The following KCNU1 variants were observed in gnomAD, a reference collection of about 807,000 sequenced individuals.
The protein encoded by KCNU1 is potassium calcium-activated channel subfamily U member 1, also known as potassium channel subfamily U member 1.
A neutral mutation model predicts 126.8 loss-of-function variants in KCNU1; 93 were observed. That is an observed-to-expected ratio of 0.73 (90% CI 0.62 to 0.87). KCNU1 has a LOEUF of 0.87. Among genes scored for constraint, KCNU1 ranks in the 40% least tolerant of loss-of-function variants. The pLI, the probability that KCNU1 is intolerant of heterozygous loss-of-function variation, is 0.00. For synonymous variants in KCNU1, 523 were observed against 494.2 expected, an observed-to-expected ratio of 1.06 and a Z score of -0.77; for missense variants, 1,330 against 1,367.1, an observed-to-expected ratio of 0.97 and a Z score of 0.43.
intron 18 of KCNU1, among the ~76,000 whole-genome samples, chr8:36,849,169 T>C (rs1805254616): frequency 6.6e-6 from 1 of 152,116 alleles, no homozygotes; most frequent in Non-Finnish European, 1.5e-5. Context: ...TCTGTCACTG[T>C]AGATTTACCT....
Position 36,834,859 on chromosome 8 carries a change from A to G in KCNU1, c.1286A>G (p.Asn429Ser), listed in dbSNP as rs776167026. Residue 429 changes from asparagine (N) to serine (S), a missense_variant, in exon 12 of 27, where the codon AAC becomes AGC. Transcript: ENST00000399881. ...CSDSHAEDIS[N>S]IMRVLSIKNY... ...GATTCCCATGCTGAAGATATTTCCA[A>G]CATTATGAGGTAAGAAGCTGTGTTT... 6.2e-7 allele frequency: 1 copy of G among 1,607,326 alleles called. No homozygotes were observed. Among genetic ancestry groups the G allele is most frequent in the Non-Finnish European group, 8.5e-7 (1 of 1,174,876 alleles).
chr8:36,897,580 G>A (rs561220157), intron 19 of KCNU1, among the ~76,000 whole-genome samples: 1 of 152,000 alleles, frequency 6.6e-6, no homozygotes, highest in Non-Finnish European at 1.5e-5. Context: ...AGAGCAGGGT[G>A]AATATCCTCC....
intron 10 of KCNU1, among the ~76,000 whole-genome samples, chr8:36,827,463 C>T (rs1043132306): frequency 3.9e-5 from 6 of 152,094 alleles, no homozygotes; most frequent in African/African-American, 9.7e-5. Context: ...TTGTAAAATG[C>T]GTTCAGGGGA....
In KCNU1 at chr8:36,911,132, C is replaced by A. The variant is rs777285806; in HGVS notation, c.2521+13C>A. On this transcript the variant is annotated intron_variant, in intron 22 of 26. Coordinates refer to ENST00000399881, the MANE Select transcript of KCNU1 (RefSeq NM_001031836.3). ...CCCTCAGTGTCAGGTGAGAACAGCACCCCTGAAAAGAAGAAACTAGGACGT... is the reference window on the plus strand; with the variant it reads ...CCCTCAGTGTCAGGTGAGAACAGCAACCCTGAAAAGAAGAAACTAGGACGT... 3.2e-6 allele frequency: 5 copies of A among 1,580,310 alleles called. No individual in the cohort carries two copies. Among genetic ancestry groups the A allele is most frequent in the African/African-American group, 1.4e-5 (1 of 73,576 alleles).
intron 19 of KCNU1, among the ~76,000 whole-genome samples, chr8:36,877,305 G>GTTT (rs777465750): frequency 1.4e-5 from 2 of 140,106 alleles, no homozygotes; most frequent in African/African-American, 5.2e-5. Flanking sequence ...TTTTTCCTCT[G>GTTT]TTTTTTTTTT....
At chr8:36,836,978 C>T (rs1263040637) in intron 14 of KCNU1, 33 bp downstream of exon 14, 1 of 1,609,334 alleles carries the variant, frequency 6.2e-7, no homozygotes, top group Non-Finnish European at 8.5e-7. Flanking sequence ...ATTCTTGGCT[C>T]TGTTCCTATG....
In KCNU1 at chr8:36,805,223, G is replaced by A; in HGVS notation, c.406G>A (p.Asp136Asn). ...DPVGSCSSYE[D>N]KTIPIDLVFN... Reference sequence around the variant, plus strand: ...TGTTGGAAGCTGTTCATCATATGAAGACAAAACCATTCCTATTGATTTGGT... The same window carrying A: ...TGTTGGAAGCTGTTCATCATATGAAAACAAAACCATTCCTATTGATTTGGT... Residue 136 changes from aspartate to asparagine, a missense_variant, in exon 4 of 27, where the codon GAC (aspartate) becomes AAC (asparagine). Physicochemically the swap from Asp to Asn is conservative, Grantham distance 23 (BLOSUM62 1). Transcript: ENST00000399881. 6.2e-7 allele frequency: 1 copy of A among 1,610,764 alleles called. No individual in the cohort carries two copies. Among genetic ancestry groups the A allele is most frequent in the Admixed American group, 1.7e-5 (1 of 59,778 alleles).
intron 19 of KCNU1, chr8:36,888,556 G>T (rs776435844): frequency 1.5e-5 from 8 of 533,558 alleles, no homozygotes; most frequent in Admixed American, 3.9e-5. Flanking sequence ...TCACAAATGG[G>T]CTGTGCCTGG....
In KCNU1 at chr8:36,840,505, A is replaced by T. The variant is rs763986336; in HGVS notation, c.1561A>T (p.Met521Leu). The T allele has an allele frequency of 1.2e-6, 2 of 1,612,302 alleles. No individual in the cohort carries two copies. ...QTWKKHFLNS[M>L]KNKILTQRLS... ...CTGGAAGAAACACTTCTTGAATAGC[A>T]TGAAAAACAAAATTCTGACCCAACG... is the stretch of plus-strand genomic sequence containing the variant. Residue 521 changes from methionine (M) to leucine (L), a missense_variant, in exon 15 of 27, where the codon ATG (methionine) becomes TTG (leucine). Met to Leu is a conservative substitution (Grantham distance 15). Around this residue, in one of 3 missense-constraint regions of KCNU1, gnomAD observed 1,054 missense variants for 1,053.9 expected, o/e 1.00. Coordinates refer to ENST00000399881, the MANE Select transcript of KCNU1 (RefSeq NM_001031836.3).
At chr8:36,920,716 G>A (rs1198950826) in intron 23 of KCNU1, among the ~76,000 whole-genome samples, 1 of 152,242 alleles carries the variant, frequency 6.6e-6, no homozygotes, top group Non-Finnish European at 1.5e-5. Flanking sequence ...ATATTTGTGT[G>A]TGTGTGTGCG....
chr8:36,817,368 G>A lies in KCNU1; in HGVS notation c.996-282G>A, dbSNP rs192898198. ...TACAAAATTAGCTGGGCGTGGTGGC[G>A]CATGCCTTTAATCCCAGCTACTTGG... is the stretch of plus-strand genomic sequence containing the variant. On this transcript the variant is annotated intron_variant, in intron 9 of 26. Coordinates refer to ENST00000399881, the MANE Select transcript of KCNU1 (RefSeq NM_001031836.3). Among the ~76,000 whole-genome samples the A allele has an allele frequency of 5.3e-5, 8 of 151,786 alleles. No individual in the cohort carries two copies. The East Asian group carries it at 5.8e-4, about 11-fold the overall frequency.
At chr8:36,863,489 A>T (rs1805799496) in intron 18 of KCNU1, among the ~76,000 whole-genome samples, 3 of 152,148 alleles carry the variant, frequency 2.0e-5, no homozygotes, top group African/African-American at 7.2e-5. Context: ...TCACCAAGCA[A>T]TCAGGTTCTG....
At chr8:36,860,374 G>C (rs1168210540) in intron 18 of KCNU1, among the ~76,000 whole-genome samples, 1 of 152,086 alleles carries the variant, frequency 6.6e-6, no homozygotes, top group African/African-American at 2.4e-5. Context: ...ACTGCGCCTG[G>C]CCCATCCCCT....
chr8:36,860,187 C>G (rs949061076), intron 18 of KCNU1, among the ~76,000 whole-genome samples: 1 of 152,148 alleles, frequency 6.6e-6, no homozygotes. Context: ...AAGTGATTCT[C>G]CTGCCTCAGC....
chr8:36,787,268 TC>T (rs1212220737), intron 1 of KCNU1, 37 bp from the exon 2 acceptor site: 1 of 1,565,458 alleles, frequency 6.4e-7, no homozygotes, highest in East Asian at 2.3e-5. Flanking sequence ...TTCTCTCAGA[TC>T]CAGCTCACAT....
In KCNU1 at chr8:36,814,202, G is replaced by GAA. The variant is rs1803826546; in HGVS notation, c.733-4_733-3insAA. On this transcript the variant is annotated splice_region_variant and splice_polypyrimidine_tract_variant and intron_variant, in intron 7 of 26. Transcript: ENST00000399881. ...ATGTTTCCTGAGTCTTCTCTCTTTG[G>GAA]ACAGGTGGAAAATTCTGGTGATCCC... 1 of 1,611,190 alleles carries GAA rather than the reference G, an allele frequency of 6.2e-7. No homozygotes were observed. Among genetic ancestry groups the GAA allele is most frequent in the African/African-American group, 1.3e-5 (1 of 74,738 alleles).
intron 20 of KCNU1, among the ~76,000 whole-genome samples, chr8:36,908,812 T>C (rs1807742783): frequency 6.6e-6 from 1 of 152,134 alleles, no homozygotes. Context: ...AAAGGTAAAT[T>C]CATGTGGTTC....
chr8:36,826,077 C>T (rs1804308874), intron 10 of KCNU1, among the ~76,000 whole-genome samples: 1 of 151,952 alleles, frequency 6.6e-6, no homozygotes, highest in Admixed American at 6.6e-5. Context: ...ATTATTTCTT[C>T]AAATGTTGCT....
At chr8:36,928,920 C>T in intron 24 of KCNU1, 2 of 644,310 alleles carry the variant, frequency 3.1e-6, no homozygotes, top group East Asian at 5.8e-5. Context: ...TCTGGGATCC[C>T]AGAAATCTAC....
Sources: gnomAD v4.1 joint callset for allele counts (sites outside exome capture counted in the v4.1 genomes callset) on GRCh38, gnomAD v4.1.1 for gene constraint, gnomAD v4.1.1 regional missense constraint, MANE v1.5 for transcripts, NCBI Gene and HGNC (gene_info 2026-07-23, HGNC 2026-07-21) for gene names.